IL1RAPL1: variants seen among roughly 807,000 people sequenced by gnomAD.
IL1RAPL1 encodes the protein interleukin 1 receptor accessory protein like 1.
IL1RAPL1 carries 3 observed loss-of-function variants against 48.4 expected under a neutral mutation model. The observed-to-expected ratio is 0.06, with a 90% CI of 0.03 to 0.16. The LOEUF (loss-of-function observed/expected upper bound fraction) is 0.16. IL1RAPL1 is among the 10% of genes least tolerant of loss of function. IL1RAPL1 has a pLI of 1.00. For synonymous variants in IL1RAPL1, 185 were observed against 187.7 expected, an observed-to-expected ratio of 0.99 and a Z score of 0.12; for missense variants, 349 against 530.6, an observed-to-expected ratio of 0.66 and a Z score of 3.36.
chrX:29,385,322 C>T (rs1019065192), intron 3 of IL1RAPL1, among the ~76,000 whole-genome samples: 2 of 112,154 alleles, frequency 1.8e-5, no homozygotes, highest in African/African-American at 6.5e-5. Flanking sequence ...GGCATGGTGG[C>T]ACATGCCTGT....
At chrX:29,129,522 T>C (rs1169084462) in intron 2 of IL1RAPL1, among the ~76,000 whole-genome samples, 4 of 111,089 alleles carry the variant, frequency 3.6e-5, no homozygotes, top group African/African-American at 1.3e-4. Flanking sequence ...GAGATTAATC[T>C]TCTCTTTGTA....
chrX:29,318,573 T>C (rs1057029208), intron 3 of IL1RAPL1, among the ~76,000 whole-genome samples: 2 of 112,301 alleles, frequency 1.8e-5, no homozygotes, highest in African/African-American at 6.5e-5. Context: ...TAAGCAGACA[T>C]AGAGTTCAGT....
chrX:29,803,660 TACAC>T (rs201449245), intron 6 of IL1RAPL1, among the ~76,000 whole-genome samples: 7 of 105,201 alleles, frequency 6.7e-5, no homozygotes, highest in East Asian at 3.0e-4. Flanking sequence ...TGTATATATA[TACAC>T]ACACACAATT....
At chrX:29,048,544 G>GA in intron 2 of IL1RAPL1, among the ~76,000 whole-genome samples, 1 of 111,566 alleles carries the variant, frequency 9.0e-6, no homozygotes, top group Middle Eastern at 4.6e-3. Flanking sequence ...TACTTGTTGA[G>GA]AAAAAAGTGT....
intron 5 of IL1RAPL1, among the ~76,000 whole-genome samples, chrX:29,406,017 C>T (rs1167801216): frequency 8.9e-6 from 1 of 111,839 alleles, no homozygotes; most frequent in Admixed American, 9.5e-5. Flanking sequence ...ACATTGTTTC[C>T]TGAACTGGTG....
chrX:29,335,296 GA>G (rs1183853303), intron 3 of IL1RAPL1, among the ~76,000 whole-genome samples: 124 of 1,985 alleles, frequency 0.062, 37 homozygotes, highest in Non-Finnish European at 0.33. Context: ...GGGGAGAGGG[GA>G]GAGGGGAGAG....
intron 6 of IL1RAPL1, among the ~76,000 whole-genome samples, chrX:29,817,983 A>C (rs1277577237): frequency 4.5e-5 from 5 of 111,778 alleles, no homozygotes; most frequent in Admixed American, 2.9e-4. Context: ...ATGACTTCTT[A>C]TTACGCTTTA....
rs545837488 is a variant in IL1RAPL1, at chrX:29,274,103, C to A, written c.83-8835C>A. Among the ~76,000 whole-genome samples, 179 of 110,790 alleles carry A rather than the reference C, an allele frequency of 1.6e-3. 1 individual carries two copies. Among genetic ancestry groups the A allele is most frequent in the African/African-American group, 5.5e-3 (168 of 30,403 alleles). On this transcript the variant is annotated intron_variant, in intron 2 of 10. Transcript: ENST00000378993. ...GAGTCTGAGAGTGTTTATGAAAATG[C>A]TATGAAAATGAAGAAGTACTAAACC... is the stretch of plus-strand genomic sequence containing the variant.
chrX:29,225,850 A>C (rs1239627248), intron 2 of IL1RAPL1, among the ~76,000 whole-genome samples: 23 of 112,009 alleles, frequency 2.1e-4, no homozygotes, highest in African/African-American at 7.1e-4. Flanking sequence ...GAAGGTTTAC[A>C]TCTGAAAGGG....
chrX:29,719,743 C>CAAAAAAA (rs372308075), intron 6 of IL1RAPL1, among the ~76,000 whole-genome samples: 2 of 21,882 alleles, frequency 9.1e-5, no homozygotes, highest in Non-Finnish European at 2.1e-4. Context: ...GAAAGATGAG[C>CAAAAAAA]AAAAAAAAAA....
intron 2 of IL1RAPL1, among the ~76,000 whole-genome samples, chrX:29,153,960 T>G: frequency 8.9e-6 from 1 of 112,136 alleles, no homozygotes; most frequent in Non-Finnish European, 1.9e-5. Context: ...GAGAGAAAAC[T>G]TAGAAACCAT....
chrX:28,784,628 A>G (rs1454571286), intron 1 of IL1RAPL1, among the ~76,000 whole-genome samples: 1 of 111,588 alleles, frequency 9.0e-6, no homozygotes, highest in Admixed American at 9.6e-5. Flanking sequence ...ACTGGGGCTT[A>G]TAAAGATGAA....
At chrX:29,766,492 TTTA>T (rs1487699258) in intron 6 of IL1RAPL1, among the ~76,000 whole-genome samples, 5 of 96,314 alleles carry the variant, frequency 5.2e-5, no homozygotes, top group African/African-American at 1.9e-4. Context: ...TATATATATA[TTTA>T]TATATATATG....
At chrX:29,897,157 G>C (rs749586381) in intron 6 of IL1RAPL1, among the ~76,000 whole-genome samples, 1 of 112,383 alleles carries the variant, frequency 8.9e-6, no homozygotes, top group Non-Finnish European at 1.9e-5. Flanking sequence ...CTGAGGGTGG[G>C]ACCATGAAGA....
chrX:29,602,284 A>G lies in IL1RAPL1; in HGVS notation c.704-66146A>G, dbSNP rs188089922. ...AGGTGCAATCCATTGCGCGTGGCCT[A>G]TTCTTAATAAGAGGTTGTAAAAGTT... is the stretch of plus-strand genomic sequence containing the variant. On this transcript the variant is annotated intron_variant, in intron 5 of 10. Coordinates refer to ENST00000378993, the MANE Select transcript of IL1RAPL1 (RefSeq NM_014271.4). Among the ~76,000 whole-genome samples, 65 of 111,519 alleles carry G rather than the reference A, an allele frequency of 5.8e-4. 1 individual carries two copies. The Middle Eastern group carries it at 0.014, about 24-fold the overall frequency.
At chrX:29,292,913 T>C (rs1027786088) in intron 3 of IL1RAPL1, among the ~76,000 whole-genome samples, 3 of 111,656 alleles carry the variant, frequency 2.7e-5, no homozygotes, top group Non-Finnish European at 5.7e-5. Flanking sequence ...GAGTCTCTTA[T>C]AGATAATATA....
chrX:28,995,758 T>TAAGA (rs1255278708), intron 2 of IL1RAPL1, among the ~76,000 whole-genome samples: 1 of 110,774 alleles, frequency 9.0e-6, no homozygotes, highest in Admixed American at 9.7e-5. Context: ...TTTGCAACAT[T>TAAGA]AAGAAAGGGG....
chrX:29,007,542 A>T (rs1427758683), intron 2 of IL1RAPL1, among the ~76,000 whole-genome samples: 5 of 112,136 alleles, frequency 4.5e-5, no homozygotes, highest in Non-Finnish European at 9.4e-5. Context: ...GCTGGATAAC[A>T]TTGATAAAAC....
At chrX:29,461,563 A>T (rs1306702372) in intron 5 of IL1RAPL1, among the ~76,000 whole-genome samples, 1 of 111,573 alleles carries the variant, frequency 9.0e-6, no homozygotes, top group African/African-American at 3.3e-5. Context: ...TTGTAATTTA[A>T]TGTTTAGACT....
Sources: allele counts gnomAD v4.1 joint callset (sites outside exome capture counted in the v4.1 genomes callset), GRCh38; gene constraint gnomAD v4.1.1; transcripts MANE v1.5; gene names NCBI Gene and HGNC (gene_info 2026-07-23, HGNC 2026-07-21).